Variants in RPF2 observed in about 807,000 individuals in gnomAD.
The protein encoded by RPF2 is brix domain containing 1.
A neutral mutation model predicts 38.9 loss-of-function variants in RPF2; 21 were observed. The observed-to-expected ratio is 0.54, with a 90% CI of 0.38 to 0.78. The LOEUF (loss-of-function observed/expected upper bound fraction) is 0.78, where lower values mean the gene tolerates loss of function less well. Among genes scored for constraint, RPF2 ranks in the 30% least tolerant of loss-of-function variants. RPF2 has a pLI of 0.00. For missense variants in RPF2, 314 were observed against 358.1 expected (o/e 0.88, Z 0.99); for synonymous variants, 121 against 126.2 (o/e 0.96, Z 0.28).
At chr6:111,011,681 C>T (rs931302701) in intron 7 of RPF2, among the ~76,000 whole-genome samples, 2 of 152,156 alleles carry the variant, frequency 1.3e-5, no homozygotes, top group Non-Finnish European at 2.9e-5. Context: ...GCCTTTTTCT[C>T]TTTCCCCTAG....
At chr6:111,019,243 G>C (rs1051468654) in intron 8 of RPF2, among the ~76,000 whole-genome samples, 6 of 152,028 alleles carry the variant, frequency 3.9e-5, no homozygotes, top group Non-Finnish European at 5.9e-5. Context: ...GCTGGGTATG[G>C]TGGCGCACGC....
intron 6 of RPF2, among the ~76,000 whole-genome samples, chr6:111,006,765 C>G (rs34504879): frequency 0.17 from 26,475 of 152,012 alleles, 2,340 homozygotes; most frequent in South Asian, 0.31. Context: ...CACCAGCATG[C>G]CCAGCTAATT....
chr6:110,999,829 T>C (rs908235185), intron 6 of RPF2, 42 bp downstream of exon 6: 1 of 1,109,962 alleles, frequency 9.0e-7, no homozygotes, highest in Non-Finnish European at 1.4e-6. Flanking sequence ...GTAATGCTTC[T>C]CTTGACCAGT....
Position 110,984,998 on chromosome 6 carries a change from C to G in RPF2, c.24-8C>G, listed in dbSNP as rs200995632. On this transcript the variant is annotated splice_region_variant and splice_polypyrimidine_tract_variant and intron_variant, in intron 1 of 9. Coordinates refer to ENST00000441448, the MANE Select transcript of RPF2 (RefSeq NM_032194.3). ...TTAAATAGTTATGAATTGTGCTTTT[C>G]TGAACAGAAAGCCCAAAACGAAAAG... 44 of 1,608,904 alleles carry G rather than the reference C, an allele frequency of 2.7e-5. No homozygotes were observed. Among genetic ancestry groups the G allele is most frequent in the South Asian group, 3.3e-5 (3 of 90,286 alleles).
chr6:111,006,754 T>C (rs1419678736), intron 6 of RPF2, among the ~76,000 whole-genome samples: 1 of 152,086 alleles, frequency 6.6e-6, no homozygotes, highest in African/African-American at 2.4e-5. Flanking sequence ...CCATAGGCAC[T>C]CACCAGCATG....
chr6:111,017,548 G>C (rs1772146205), intron 8 of RPF2, among the ~76,000 whole-genome samples: 1 of 149,766 alleles, frequency 6.7e-6, no homozygotes, highest in Non-Finnish European at 1.5e-5. Flanking sequence ...GGGCGGCCGG[G>C]CAGAGACGCT....
intron 9 of RPF2, among the ~76,000 whole-genome samples, chr6:111,024,561 A>G (rs536553543): frequency 4.6e-5 from 7 of 152,126 alleles, no homozygotes; most frequent in African/African-American, 1.7e-4. Flanking sequence ...AAAATACAAA[A>G]AATTAGCTGG....
At position 111,009,770 on chromosome 6, in the gene RPF2, C is replaced by T. The variant is rs192944706; in HGVS notation, c.493+1633C>T. On this transcript the variant is annotated intron_variant, in intron 7 of 9. Transcript: ENST00000441448. ...CTCATTGCAGCCTCAACCTCCCAGGCTCAAGTGATCCTCCCACCTCAGCCT... is the reference window on the plus strand; with the variant it reads ...CTCATTGCAGCCTCAACCTCCCAGGTTCAAGTGATCCTCCCACCTCAGCCT... 1.6e-3 allele frequency among the ~76,000 whole-genome samples: 238 copies of T among 152,072 alleles called. 7 individuals carry two copies. Among genetic ancestry groups the T allele is most frequent in the Admixed American group, 0.014 (215 of 15,256 alleles).
chr6:111,009,691 A>G (rs1049957687), intron 7 of RPF2, among the ~76,000 whole-genome samples: 2 of 152,028 alleles, frequency 1.3e-5, no homozygotes, highest in Non-Finnish European at 2.9e-5. Flanking sequence ...TTTCTCCTTT[A>G]TGAGGCAAGT....
At chr6:111,024,014 T>C (rs1428300331) in intron 8 of RPF2, among the ~76,000 whole-genome samples, 169 bp from the exon 9 acceptor site, 2 of 151,974 alleles carry the variant, frequency 1.3e-5, no homozygotes, top group East Asian at 3.9e-4. Context: ...TAAAAGAAGA[T>C]GTGAACCAAA....
chr6:110,983,098 T>C (rs1771460180), intron 1 of RPF2, among the ~76,000 whole-genome samples: 1 of 152,148 alleles, frequency 6.6e-6, no homozygotes, highest in Admixed American at 6.6e-5. Flanking sequence ...TCCCAAAGTG[T>C]CCATGGGACT....
At chr6:110,999,554 G>A (rs930960747) in intron 5 of RPF2, among the ~76,000 whole-genome samples, 157 bp from the exon 6 acceptor site, 1 of 152,176 alleles carries the variant, frequency 6.6e-6, no homozygotes, top group Admixed American at 6.6e-5. Flanking sequence ...AAATCAATAA[G>A]TAGAGTTGAA....
At chr6:111,001,327 A>G (rs1266591719) in intron 6 of RPF2, among the ~76,000 whole-genome samples, 1 of 152,194 alleles carries the variant, frequency 6.6e-6, no homozygotes, top group Non-Finnish European at 1.5e-5. Flanking sequence ...TGTAAAGTAC[A>G]TAAACTGTGA....
intron 7 of RPF2, among the ~76,000 whole-genome samples, chr6:111,013,961 A>AC (rs1159620801): frequency 6.6e-6 from 1 of 152,150 alleles, no homozygotes; most frequent in East Asian, 1.9e-4. Flanking sequence ...ACATAGTGAG[A>AC]CCCCATCCGT....
rs961476036 is a variant in RPF2 at position 111,027,427 on chromosome 6, T to C, written c.*1845T>C. 1 of 152,264 alleles carries C rather than the reference T, an allele frequency of 6.6e-6. No individual in the cohort carries two copies. Among genetic ancestry groups the C allele is most frequent in the East Asian group, 1.9e-4 (1 of 5,180 alleles). 9.4% of individuals were successfully genotyped at this position (152,264 alleles called of 1,614,324 possible). A position where few individuals can be genotyped will look rare whatever the true frequency, so the allele number is the denominator to read the frequency against. On this transcript the variant is annotated 3_prime_UTR_variant, in exon 10 of 10. Transcript: ENST00000441448. Reference sequence around the variant, plus strand: ...CTGCCATCTGGAGGTAGATGGACAATAGCTGAGAAGGGGAGCCATGAAAAG... The same window carrying C: ...CTGCCATCTGGAGGTAGATGGACAACAGCTGAGAAGGGGAGCCATGAAAAG...
At chr6:110,994,723 A>C (rs1251395069) in intron 4 of RPF2, among the ~76,000 whole-genome samples, 1 of 126,754 alleles carries the variant, frequency 7.9e-6, no homozygotes, top group East Asian at 2.9e-4. Context: ...GGAGAATGGG[A>C]TGAGTATATA....
At chr6:110,998,726 ACAGT>A (rs1457113383) in intron 5 of RPF2, among the ~76,000 whole-genome samples, 2 of 152,118 alleles carry the variant, frequency 1.3e-5, no homozygotes, top group South Asian at 2.1e-4. Flanking sequence ...CCATCAGGTG[ACAGT>A]CAGGCAGCTG....
At position 111,027,349 on chromosome 6, in the gene RPF2, G is replaced by A. The variant is rs1005711593; in HGVS notation, c.*1767G>A. The A allele has an allele frequency of 6.6e-6, 1 of 152,176 alleles. No individual in the cohort carries two copies. Among genetic ancestry groups the A allele is most frequent in the Admixed American group, 6.5e-5 (1 of 15,274 alleles). The allele number at this position is 152,176 out of a possible 1,614,324, so 9.4% of individuals were successfully genotyped here. ...ACCATACAGTCTCGTACCTGAATCAGACATTTGCACTTTATATCTAAATGA... is the reference window on the plus strand; with the variant it reads ...ACCATACAGTCTCGTACCTGAATCAAACATTTGCACTTTATATCTAAATGA... On this transcript the variant is annotated 3_prime_UTR_variant, in exon 10 of 10. Transcript: ENST00000441448.
Position 111,025,387 on chromosome 6 carries a change from T to A in RPF2, c.742-16T>A, listed in dbSNP as rs1488118628. ...AGTAGAAGGCCATTAAATATATACA[T>A]ATTCTTTTATCGTAGCCAAAGAAGA... On this transcript the variant is annotated splice_polypyrimidine_tract_variant and intron_variant, in intron 9 of 9. Coordinates refer to ENST00000441448, the MANE Select transcript of RPF2 (RefSeq NM_032194.3). The A allele has an allele frequency of 2.6e-6, 4 of 1,549,568 alleles. No individual in the cohort carries two copies. In the African/African-American group the frequency reaches 4.1e-5, roughly 16 times the overall value.
Sources: allele counts gnomAD v4.1 joint callset (sites outside exome capture counted in the v4.1 genomes callset), GRCh38; gene constraint gnomAD v4.1.1; transcripts MANE v1.5; gene names NCBI Gene and HGNC (gene_info 2026-07-23, HGNC 2026-07-21).